The following SIM1 variants were observed in gnomAD, a reference collection of about 807,000 sequenced individuals.
The protein encoded by SIM1 is SIM bHLH transcription factor 1.
A neutral mutation model predicts 78.2 loss-of-function variants in SIM1; 18 were observed. That is an observed-to-expected ratio of 0.23 (90% CI 0.16 to 0.34). The LOEUF is 0.34. Ranked by LOEUF, SIM1 falls within the 10% of genes least tolerant of loss-of-function variation. SIM1 has a pLI of 1.00. For synonymous variants in SIM1, 417 were observed against 385.2 expected, an observed-to-expected ratio of 1.08 and a Z score of -0.97; for missense variants, 939 against 975.1, an observed-to-expected ratio of 0.96 and a Z score of 0.49.
intron 9 of SIM1, among the ~76,000 whole-genome samples, chr6:100,437,994 C>T (rs1772100938): frequency 6.6e-6 from 1 of 152,136 alleles, no homozygotes; most frequent in African/African-American, 2.4e-5. Context: ...AAATCTAAGA[C>T]ATGAAATTAT....
chr6:100,392,763 C>T (rs535203859), intron 11 of SIM1, among the ~76,000 whole-genome samples: 8 of 152,278 alleles, frequency 5.3e-5, no homozygotes, highest in African/African-American at 9.6e-5. Flanking sequence ...TTCCAAAGAC[C>T]GGTCTGGACC....
At chr6:100,401,688 T>G (rs1261428960) in intron 10 of SIM1, among the ~76,000 whole-genome samples, 2 of 152,192 alleles carry the variant, frequency 1.3e-5, no homozygotes, top group Admixed American at 1.3e-4. Flanking sequence ...TCTTGCAACT[T>G]TTCTTAAAGT....
At chr6:100,453,640 T>G in intron 3 of SIM1, 122 bp downstream of exon 3, 2 of 753,452 alleles carry the variant, frequency 2.7e-6, no homozygotes, top group Non-Finnish European at 2.1e-6. Flanking sequence ...GATCCCTGTT[T>G]TTGTGGGGGG....
chr6:100,430,734 A>T (rs1441748770), intron 9 of SIM1, among the ~76,000 whole-genome samples: 1 of 152,010 alleles, frequency 6.6e-6, no homozygotes, highest in Non-Finnish European at 1.5e-5. Context: ...GTAATGGAGG[A>T]TCCCATTACT....
intron 2 of SIM1, among the ~76,000 whole-genome samples, chr6:100,457,069 T>C (rs1772683061): frequency 6.6e-6 from 1 of 152,208 alleles, no homozygotes; most frequent in Admixed American, 6.5e-5. Context: ...AGCTGTGTTA[T>C]TGCAGGCAGC....
intron 3 of SIM1, among the ~76,000 whole-genome samples, chr6:100,452,937 A>T (rs1406653342): frequency 6.6e-6 from 1 of 152,178 alleles, no homozygotes; most frequent in East Asian, 1.9e-4. Context: ...GCCCACAGGG[A>T]GAACTTGCTT....
At chr6:100,398,667 A>T (rs1770828631) in intron 10 of SIM1, among the ~76,000 whole-genome samples, 1 of 152,062 alleles carries the variant, frequency 6.6e-6, no homozygotes, top group Non-Finnish European at 1.5e-5. Context: ...TTGTTTATCC[A>T]TTCACCCATT....
At chr6:100,435,975 A>G (rs3778032) in intron 9 of SIM1, among the ~76,000 whole-genome samples, 1 of 151,592 alleles carries the variant, frequency 6.6e-6, no homozygotes, top group Middle Eastern at 3.4e-3. Flanking sequence ...GCCAGTCATG[A>G]ACTCCCTTAC....
chr6:100,401,167 C>T (rs1183285655), intron 10 of SIM1, among the ~76,000 whole-genome samples: 2 of 152,042 alleles, frequency 1.3e-5, no homozygotes, highest in Admixed American at 6.5e-5. Context: ...CAGAATCTAA[C>T]CATGAAGAAT....
intron 2 of SIM1, among the ~76,000 whole-genome samples, chr6:100,457,344 G>T (rs185394080): frequency 3.9e-5 from 6 of 152,320 alleles, no homozygotes; most frequent in Non-Finnish European, 7.3e-5. Context: ...GGAGGGTGGC[G>T]GAGGCCCTGT....
intron 8 of SIM1, 62 bp from the exon 9 acceptor site, chr6:100,447,477 C>T (rs530549760): frequency 6.3e-7 from 1 of 1,593,282 alleles, no homozygotes; most frequent in Non-Finnish European, 8.6e-7. Context: ...GCCCCAAATG[C>T]AATCCCTGGT....
chr6:100,443,953 A>G (rs1772284829), intron 9 of SIM1, among the ~76,000 whole-genome samples: 1 of 152,120 alleles, frequency 6.6e-6, no homozygotes, highest in African/African-American at 2.4e-5. Context: ...TTTATGTTTT[A>G]AAATATTTTT....
At chr6:100,437,266 A>G (rs1454147161) in intron 9 of SIM1, 1 of 152,194 alleles carries the variant, frequency 6.6e-6, no homozygotes, top group African/African-American at 2.4e-5. Context: ...AGTTTGAAAC[A>G]TCCAACTAAG....
At chr6:100,409,237 T>C (rs1393800020) in intron 10 of SIM1, among the ~76,000 whole-genome samples, 1 of 152,148 alleles carries the variant, frequency 6.6e-6, no homozygotes, top group Non-Finnish European at 1.5e-5. Flanking sequence ...TATGATGTGT[T>C]CAGATTTTCT....
chr6:100,401,536 G>C (rs1457608810), intron 10 of SIM1, among the ~76,000 whole-genome samples: 1 of 151,820 alleles, frequency 6.6e-6, no homozygotes, highest in Non-Finnish European at 1.5e-5. Context: ...TTAGGTAGAG[G>C]CATGACATAT....
intron 9 of SIM1, among the ~76,000 whole-genome samples, chr6:100,447,007 G>C (rs1294623167): frequency 6.6e-6 from 1 of 152,228 alleles, no homozygotes; most frequent in Non-Finnish European, 1.5e-5. Context: ...AAAAGGTTAA[G>C]AGAGAAAAAG....
At chr6:100,412,658 AGAGAGAGAG>A (rs1562239909) in intron 10 of SIM1, among the ~76,000 whole-genome samples, 30 of 102,676 alleles carry the variant, frequency 2.9e-4, no homozygotes, top group African/African-American at 1.0e-3. Context: ...AGAAAGAAAG[AGAGAGAGAG>A]AGAGAGAAAG....
intron 1 of SIM1, among the ~76,000 whole-genome samples, chr6:100,464,212 C>T (rs1416401507): frequency 1.3e-5 from 2 of 152,208 alleles, no homozygotes; most frequent in African/African-American, 2.4e-5. Context: ...GGATCTTCCG[C>T]CGCGGATCCC....
intron 10 of SIM1, among the ~76,000 whole-genome samples, chr6:100,395,159 C>T (rs893743913): frequency 6.6e-6 from 1 of 152,132 alleles, no homozygotes; most frequent in Non-Finnish European, 1.5e-5. Flanking sequence ...TTTTGGTTGC[C>T]TAATGCCAAA....
Sources: allele counts gnomAD v4.1 joint callset (sites outside exome capture counted in the v4.1 genomes callset), GRCh38; gene constraint gnomAD v4.1.1; transcripts MANE v1.5; gene names NCBI Gene and HGNC (gene_info 2026-07-23, HGNC 2026-07-21).